The following FOCAD variants were observed in gnomAD, a reference collection of about 807,000 sequenced individuals.
The protein encoded by FOCAD is focadhesin.
Under a neutral mutation model 225.6 loss-of-function variants are expected in FOCAD, and 198 were observed. The ratio of observed to expected loss-of-function variants is 0.88; its 90% CI spans 0.78 to 0.99. FOCAD has a LOEUF of 0.99. FOCAD is among the 50% of genes least tolerant of loss of function. The pLI, the probability that FOCAD is intolerant of heterozygous loss-of-function variation, is 0.00. For synonymous variants in FOCAD, 897 were observed against 755.0 expected (o/e 1.19, Z -3.08); for missense variants, 2,713 against 2,123.6 (o/e 1.28, Z -5.46).
chr9:20,904,050 C>G (rs1374207176), intron 21 of FOCAD, among the ~76,000 whole-genome samples: 1 of 151,932 alleles, frequency 6.6e-6, no homozygotes, highest in East Asian at 1.9e-4. Flanking sequence ...TTCACTTTGG[C>G]ATAATGTTTT....
intron 8 of FOCAD, among the ~76,000 whole-genome samples, chr9:20,771,166 A>G (rs576151205): frequency 3.3e-5 from 5 of 152,304 alleles, no homozygotes; most frequent in Admixed American, 3.3e-4. Flanking sequence ...GAGACATGAA[A>G]GAGTAGTCAG....
chr9:20,846,697 G>A (rs981517985), intron 15 of FOCAD, among the ~76,000 whole-genome samples: 1 of 152,124 alleles, frequency 6.6e-6, no homozygotes, highest in Admixed American at 6.6e-5. Flanking sequence ...TGCCATGTAA[G>A]TTTAATTCTA....
intron 5 of FOCAD, among the ~76,000 whole-genome samples, chr9:20,742,666 G>A (rs138370873): frequency 9.2e-5 from 14 of 152,188 alleles, no homozygotes; most frequent in Admixed American, 3.9e-4. Context: ...GAGAATTTGG[G>A]TTACTCTCAT....
chr9:20,886,013 A>G (rs1471518949), intron 21 of FOCAD, among the ~76,000 whole-genome samples: 2 of 152,224 alleles, frequency 1.3e-5, no homozygotes, highest in Non-Finnish European at 2.9e-5. Flanking sequence ...ATCTTTCTAT[A>G]ACATCTTATT....
intron 5 of FOCAD, among the ~76,000 whole-genome samples, chr9:20,747,296 T>A (rs1828125473): frequency 2.6e-5 from 4 of 152,178 alleles, no homozygotes; most frequent in Admixed American, 2.6e-4. Context: ...AGATTCTGAT[T>A]TGGACTTATT....
At chr9:20,660,921 T>G (rs1416016779) in intron 2 of FOCAD, among the ~76,000 whole-genome samples, 1 of 151,968 alleles carries the variant, frequency 6.6e-6, no homozygotes, top group Non-Finnish European at 1.5e-5. Context: ...GGGCAAAAAT[T>G]ATGGGGACAT....
intron 22 of FOCAD, 29 bp from the exon 23 acceptor site, chr9:20,912,837 C>T (rs1833548203): frequency 6.3e-7 from 1 of 1,580,770 alleles, no homozygotes; most frequent in Non-Finnish European, 8.7e-7. Context: ...ATCGAGTTCA[C>T]ATGCTGATTT....
intron 5 of FOCAD, among the ~76,000 whole-genome samples, chr9:20,757,117 C>G (rs1446959307): frequency 6.6e-6 from 1 of 152,118 alleles, no homozygotes; most frequent in Non-Finnish European, 1.5e-5. Context: ...TTAGTAGAGA[C>G]AGGGTTTCTC....
At chr9:20,676,580 T>C (rs779513637) in intron 2 of FOCAD, among the ~76,000 whole-genome samples, 8 of 152,234 alleles carry the variant, frequency 5.3e-5, no homozygotes, top group Non-Finnish European at 8.8e-5. Context: ...CTGCTTAATA[T>C]AGTTCCTGTG....
At chr9:20,720,346 C>G in intron 3 of FOCAD, 34 bp from the exon 4 acceptor site, 2 of 1,608,030 alleles carry the variant, frequency 1.2e-6, no homozygotes, top group Non-Finnish European at 1.7e-6. Context: ...TGCTGCTCAT[C>G]AGAATTGTCT....
At chr9:20,867,141 A>G in intron 18 of FOCAD, 129 bp downstream of exon 18, 1 of 556,820 alleles carries the variant, frequency 1.8e-6, no homozygotes, top group South Asian at 2.9e-5. Context: ...CATGCAAGAT[A>G]CAAATTCATA....
intron 4 of FOCAD, among the ~76,000 whole-genome samples, chr9:20,736,900 A>C (rs541017842): frequency 6.6e-6 from 1 of 151,862 alleles, no homozygotes; most frequent in African/African-American, 2.4e-5. Context: ...CTCTCAACCC[A>C]TTTGAAATAT....
At chr9:20,701,586 G>C (rs921866975) in intron 1 of FOCAD, among the ~76,000 whole-genome samples, 4 of 152,200 alleles carry the variant, frequency 2.6e-5, no homozygotes, top group African/African-American at 9.7e-5. Context: ...TGTCGTGATG[G>C]AAGTGGCCAA....
chr9:20,763,140 T>C (rs1829760736), intron 6 of FOCAD, among the ~76,000 whole-genome samples: 1 of 152,194 alleles, frequency 6.6e-6, no homozygotes, highest in African/African-American at 2.4e-5. Context: ...AGTCATGACA[T>C]TTAATTGCAT....
At chr9:20,968,455 T>TGG (rs1554746177) in intron 35 of FOCAD, among the ~76,000 whole-genome samples, 10 of 140,058 alleles carry the variant, frequency 7.1e-5, no homozygotes, top group Non-Finnish European at 1.4e-4. Flanking sequence ...TTTTTTTTTT[T>TGG]GGGAGAGTTA....
At chr9:20,854,333 A>G (rs1472971168) in intron 15 of FOCAD, among the ~76,000 whole-genome samples, 2 of 151,720 alleles carry the variant, frequency 1.3e-5, no homozygotes, top group South Asian at 2.1e-4. Context: ...AACAATAACT[A>G]TATTTTTCAG....
At chr9:20,746,084 G>A (rs1025442147) in intron 5 of FOCAD, among the ~76,000 whole-genome samples, 43 of 152,318 alleles carry the variant, frequency 2.8e-4, no homozygotes, top group Non-Finnish European at 4.0e-4. Context: ...ATAAAGAAAA[G>A]CAATAGCAAG....
rs201439980 is a variant in FOCAD at position 20,978,498 on chromosome 9, C to T, written c.4377+44C>T. ...TGTTGGCCAACAGGAGGATATTGTT[C>T]TTTAGGAGGATATTAACATTCATTT... On this transcript the variant is annotated intron_variant, in intron 37 of 43. Coordinates refer to ENST00000338382, the MANE Select transcript of FOCAD (RefSeq NM_001375567.1). 21 of 1,291,720 alleles carry T rather than the reference C, an allele frequency of 1.6e-5. No homozygotes were observed. The Admixed American group carries it at 3.5e-4, about 22-fold the overall frequency. 80.0% of individuals were successfully genotyped at this position (1,291,720 alleles called of 1,614,324 possible).
chr9:20,724,048 A>G (rs2131568352), intron 4 of FOCAD, among the ~76,000 whole-genome samples: 1 of 152,330 alleles, frequency 6.6e-6, no homozygotes, highest in Non-Finnish European at 1.5e-5. Context: ...GCAAGAACTC[A>G]CTTGTCACCA....
Sources: allele counts gnomAD v4.1 joint callset (sites outside exome capture counted in the v4.1 genomes callset), GRCh38; gene constraint gnomAD v4.1.1; transcripts MANE v1.5; gene names NCBI Gene and HGNC (gene_info 2026-07-23, HGNC 2026-07-21).